Variants in USP54 observed in about 807,000 individuals in gnomAD.
USP54 encodes the protein ubiquitin carboxyl-terminal hydrolase 54.
In USP54, 87 loss-of-function variants were observed where a neutral mutation model predicts 170.5. That is an observed-to-expected ratio of 0.51 (90% CI 0.43 to 0.61). The LOEUF (loss-of-function observed/expected upper bound fraction) is 0.61. USP54 is among the 20% of genes least tolerant of loss of function. The pLI is 0.00. For missense variants in USP54, 1,786 were observed against 2,047.8 expected, an observed-to-expected ratio of 0.87 and a Z score of 2.47; for synonymous variants, 655 against 742.8, an observed-to-expected ratio of 0.88 and a Z score of 1.92.
At chr10:73,503,313 T>G (rs1311881022) in intron 22 of USP54, among the ~76,000 whole-genome samples, 2 of 152,238 alleles carry the variant, frequency 1.3e-5, no homozygotes, top group African/African-American at 4.8e-5. Context: ...ATCAAATCCT[T>G]AACACATTAT....
At chr10:73,508,956 C>T (rs7921483) in intron 20 of USP54, among the ~76,000 whole-genome samples, 13 of 150,348 alleles carry the variant, frequency 8.6e-5, no homozygotes, top group African/African-American at 2.9e-4. Flanking sequence ...TGAGCCAGTG[C>T]ACCCGGCCAG....
chr10:73,513,800 G>A (rs1300723748), intron 20 of USP54, among the ~76,000 whole-genome samples: 1 of 151,984 alleles, frequency 6.6e-6, no homozygotes, highest in Non-Finnish European at 1.5e-5. Flanking sequence ...TTGCTATTTT[G>A]GGTAATACAA....
chr10:73,577,840 C>T (rs1207419968), intron 1 of USP54, among the ~76,000 whole-genome samples: 4 of 152,166 alleles, frequency 2.6e-5, no homozygotes, highest in African/African-American at 9.7e-5. Context: ...ATATCTCCCA[C>T]ACAGACTATA....
Position 73,504,945 on chromosome 10 carries a change from GCT to G in USP54, c.4214_4215del (p.Glu1405AlafsTer33). On this transcript the variant is annotated frameshift_variant, in exon 22 of 24. Transcript: ENST00000687698. LOFTEE classifies it high-confidence loss of function. The stretch of plus-strand genomic sequence containing the variant: ...CGACGTAAATTCTCTGCACTGTACT[GCT>G]CATCCTCCCCACACTCCCTGCTGAG... ...RGLSRECGED[E>X]QYSAENLRRI... The G allele has an allele frequency of 6.2e-7, 1 of 1,614,112 alleles. No homozygotes were observed. The highest frequency in any genetic ancestry group is 8.5e-7 in the Non-Finnish European group (1 of 1,180,026).
intron 4 of USP54, among the ~76,000 whole-genome samples, chr10:73,552,917 C>G (rs1192933331): frequency 6.6e-6 from 1 of 152,144 alleles, no homozygotes; most frequent in Non-Finnish European, 1.5e-5. Flanking sequence ...TGCTAAAGAG[C>G]CTGTCTGTCA....
chr10:73,543,192 G>A, intron 5 of USP54, 61 bp from the exon 6 acceptor site: 1 of 1,215,820 alleles, frequency 8.2e-7, no homozygotes, highest in East Asian at 2.3e-5. Flanking sequence ...TACATAAATT[G>A]GTAAGCAGCT....
chr10:73,616,145 C>A (rs2080613471), intron 1 of USP54, among the ~76,000 whole-genome samples: 1 of 149,700 alleles, frequency 6.7e-6, no homozygotes. Flanking sequence ...TCAAGACTAG[C>A]CTGGCGAACA....
chr10:73,516,574 C>A lies in USP54; in HGVS notation c.3852G>T (p.Lys1284Asn). The A allele has an allele frequency of 3.7e-6, 6 of 1,614,230 alleles. No individual in the cohort carries two copies. The highest frequency in any genetic ancestry group is 5.1e-6 in the Non-Finnish European group (6 of 1,180,050). ...ACGTATGGGAATCATGAGGGGAGGA[C>A]TTCATTCCTGGCCTAGGTGCCCCAT... Reference protein sequence around the residue: ...LKHGAPRPGMKSSPHDSHTCV... With the variant: ...LKHGAPRPGMNSSPHDSHTCV... Residue 1284 changes from lysine (K) to asparagine (N), a missense_variant, in exon 20 of 24, where the codon AAG becomes AAT. Physicochemically the swap from Lys to Asn is moderately conservative, Grantham distance 94. Transcript: ENST00000687698.
At chr10:73,539,678 T>C in intron 9 of USP54, 85 bp from the exon 10 acceptor site, 1 of 1,405,866 alleles carries the variant, frequency 7.1e-7, no homozygotes, top group South Asian at 1.6e-5. Context: ...CAGCATTTCT[T>C]AAGTAAGGTA....
chr10:73,536,490 T>C (rs2065235227), intron 10 of USP54, 53 bp from the exon 11 acceptor site: 39 of 1,446,426 alleles, frequency 2.7e-5, no homozygotes, highest in Non-Finnish European at 3.4e-5. Flanking sequence ...TACCCACAAT[T>C]CACAACATAT....
chr10:73,505,768 G>C lies in USP54; in HGVS notation c.4052-342C>G, dbSNP rs376099549. 1,500 of 172,476 alleles carry C rather than the reference G, an allele frequency of 8.7e-3. 14 individuals carry two copies. The highest frequency in any genetic ancestry group is 0.015 in the Non-Finnish European group (1,212 of 80,884). The allele number at this position is 172,476 out of a possible 1,614,324, so 10.7% of individuals were successfully genotyped here. A position where few individuals can be genotyped will look rare whatever the true frequency, so the allele number is the denominator to read the frequency against. On this transcript the variant is annotated intron_variant, in intron 20 of 23. Transcript: ENST00000687698. ...ACCTGTAATCCCAGCTACTCGGGAG[G>C]CTGAGGCAGGAGAATGGCGTGAACC...
At chr10:73,559,727 C>CAAA (rs376045597) in intron 4 of USP54, among the ~76,000 whole-genome samples, 1 of 117,650 alleles carries the variant, frequency 8.5e-6, no homozygotes, top group South Asian at 2.7e-4. Context: ...GACTCCATCT[C>CAAA]AAAAAAAAAA....
intron 12 of USP54, among the ~76,000 whole-genome samples, chr10:73,533,853 A>G (rs2064592445): frequency 6.6e-6 from 1 of 152,228 alleles, no homozygotes; most frequent in Admixed American, 6.5e-5. Flanking sequence ...AAGCTTAGCA[A>G]GCTGACATGC....
intron 1 of USP54, among the ~76,000 whole-genome samples, chr10:73,614,222 T>C (rs1018739033): frequency 6.7e-6 from 1 of 149,392 alleles, no homozygotes; most frequent in African/African-American, 2.6e-5. Context: ...TGTATGGTAC[T>C]GGCCCAAGAA....
At chr10:73,581,125 C>A (rs147576508) in intron 1 of USP54, among the ~76,000 whole-genome samples, 2 of 152,236 alleles carry the variant, frequency 1.3e-5, no homozygotes, top group East Asian at 3.9e-4. Flanking sequence ...AGGTATTTTA[C>A]CATAAAGAAA....
intron 3 of USP54, among the ~76,000 whole-genome samples, chr10:73,572,055 T>C (rs1197025827): frequency 1.3e-5 from 2 of 152,210 alleles, no homozygotes; most frequent in Admixed American, 6.5e-5. Flanking sequence ...GTAAATCATG[T>C]TATAGTATAT....
chr10:73,612,783 T>A (rs2080251943), intron 1 of USP54, among the ~76,000 whole-genome samples: 1 of 133,212 alleles, frequency 7.5e-6, no homozygotes, highest in Non-Finnish European at 1.5e-5. Context: ...GAGGTTGCAA[T>A]GAGCAGAGAT....
intron 1 of USP54, chr10:73,615,011 G>A (rs143018524): frequency 3.3e-5 from 5 of 150,394 alleles, no homozygotes; most frequent in East Asian, 1.9e-4. Context: ...AGAGAAAAGT[G>A]GGGAGAGGTG....
intron 1 of USP54, among the ~76,000 whole-genome samples, chr10:73,582,437 G>T (rs2077005050): frequency 6.6e-6 from 1 of 151,724 alleles, no homozygotes; most frequent in African/African-American, 2.4e-5. Context: ...CCAGGCTGGA[G>T]TGCAGTGATG....
Sources: gnomAD v4.1 joint callset for allele counts (sites outside exome capture counted in the v4.1 genomes callset) on GRCh38, gnomAD v4.1.1 for gene constraint, MANE v1.5 for transcripts, NCBI Gene and HGNC (gene_info 2026-07-23, HGNC 2026-07-21) for gene names.